The following ACAD11 variants were observed in gnomAD, a reference collection of about 807,000 sequenced individuals.
ACAD11 encodes the protein acyl-Coenzyme A dehydrogenase family, member 11.
ACAD11 carries 83 observed loss-of-function variants against 102.2 expected under a neutral mutation model. The ratio of observed to expected loss-of-function variants is 0.81; its 90% confidence interval spans 0.68 to 0.97. The LOEUF is 0.97. Among genes scored for constraint, ACAD11 ranks in the 50% least tolerant of loss-of-function variants. The probability of loss-of-function intolerance (pLI) is 0.00; values close to 1 mark genes in which losing one functional copy is unlikely to be tolerated. For synonymous variants in ACAD11, 324 were observed against 319.8 expected (o/e 1.01, Z -0.14); for missense variants, 901 against 951.7 (o/e 0.95, Z 0.70).
rs377164676 is a variant in ACAD11 at position 132,618,661 on chromosome 3, G to A, written c.1387C>T (p.Pro463Ser). Reference sequence around the variant, plus strand: ...GGTGCTTGGCAGTTAAAGACATCTGGAGCAAAAAAGCATTTTCCTGTTTCT... The same window carrying A: ...GGTGCTTGGCAGTTAAAGACATCTGAAGCAAAAAAGCATTTTCCTGTTTCT... ...AEETGKCFFAPDVFNCQAPDT... is the reference protein window; with the variant it reads ...AEETGKCFFASDVFNCQAPDT... Residue 463 changes from proline to serine, a missense_variant, in exon 11 of 20, where the codon CCA (proline) becomes TCA (serine). Transcript: ENST00000264990. The A allele has an allele frequency of 1.9e-6, 3 of 1,605,014 alleles. No homozygotes were observed. In the Admixed American group the frequency reaches 5.2e-5, roughly 28 times the overall value.
At chr3:132,605,059 G>C in intron 12 of ACAD11, 39 bp downstream of exon 12, 1 of 1,478,710 alleles carries the variant, frequency 6.8e-7, no homozygotes, top group South Asian at 1.2e-5. Flanking sequence ...ACTCCGGGAC[G>C]ACTGACTACA....
At chr3:132,609,395 CT>C (rs1939009971) in intron 11 of ACAD11, among the ~76,000 whole-genome samples, 2 of 151,718 alleles carry the variant, frequency 1.3e-5, no homozygotes, top group Admixed American at 1.3e-4. Flanking sequence ...ACTAGCCAGA[CT>C]AATAAAGAAA....
chr3:132,610,173 T>G (rs991058596), intron 11 of ACAD11, among the ~76,000 whole-genome samples: 1 of 152,146 alleles, frequency 6.6e-6, no homozygotes, highest in Non-Finnish European at 1.5e-5. Flanking sequence ...AATATCATAC[T>G]GAATGGACCA....
At chr3:132,646,187 A>G (rs1228616395) in intron 1 of ACAD11, among the ~76,000 whole-genome samples, 2 of 152,194 alleles carry the variant, frequency 1.3e-5, no homozygotes. Context: ...CGTGGTCTCG[A>G]TCTCTTGACC....
intron 13 of ACAD11, among the ~76,000 whole-genome samples, chr3:132,586,836 T>A: frequency 6.6e-6 from 1 of 152,240 alleles, no homozygotes; most frequent in East Asian, 1.9e-4. Context: ...CTCACGCCTG[T>A]AATCCCAACA....
At chr3:132,577,981 A>G (rs1246675176) in intron 15 of ACAD11, among the ~76,000 whole-genome samples, 2 of 152,192 alleles carry the variant, frequency 1.3e-5, no homozygotes, top group East Asian at 3.9e-4. Context: ...CTACAGCTGC[A>G]TCTTAACTGA....
chr3:132,634,481 T>G (rs1352274751), intron 5 of ACAD11, among the ~76,000 whole-genome samples: 2 of 151,904 alleles, frequency 1.3e-5, no homozygotes, highest in Admixed American at 6.6e-5. Context: ...GTTCAACCAT[T>G]GTGGAAGTCA....
chr3:132,576,299 G>A (rs2107791983), intron 16 of ACAD11, among the ~76,000 whole-genome samples: 1 of 152,316 alleles, frequency 6.6e-6, no homozygotes, highest in South Asian at 2.1e-4. Flanking sequence ...AAAGGAAGAA[G>A]AGATTTTCTG....
In ACAD11 at chr3:132,595,151, C is replaced by T. The variant is rs1938245757; in HGVS notation, c.1621+8078G>A. 2.6e-5 allele frequency among the ~76,000 whole-genome samples: 4 copies of T among 152,244 alleles called. No individual in the cohort carries two copies. In the South Asian group the frequency reaches 8.3e-4, roughly 32 times the overall value. On this transcript the variant is annotated intron_variant, in intron 13 of 19. Transcript: ENST00000264990. ...TAAGTAGAGTAGTGAAGAATTGCCT[C>T]AGTGAGCTGGTGGTGATTGGGCAAA...
intron 19 of ACAD11, among the ~76,000 whole-genome samples, chr3:132,559,554 T>C (rs886441319): frequency 2.0e-5 from 3 of 152,090 alleles, no homozygotes; most frequent in Non-Finnish European, 4.4e-5. Flanking sequence ...GTCACTGACA[T>C]GTCCTGCTAC....
chr3:132,633,544 T>C (rs1030691484), intron 5 of ACAD11, among the ~76,000 whole-genome samples: 2 of 152,158 alleles, frequency 1.3e-5, no homozygotes, highest in Admixed American at 6.6e-5. Context: ...TCTTTTTTTG[T>C]TGTGTCTCTG....
intron 11 of ACAD11, among the ~76,000 whole-genome samples, chr3:132,618,044 C>G (rs1420209505): frequency 2.0e-5 from 3 of 152,122 alleles, no homozygotes; most frequent in South Asian, 2.1e-4. Flanking sequence ...CAGAGCTCCT[C>G]TATTCTGCTG....
intron 17 of ACAD11, among the ~76,000 whole-genome samples, chr3:132,563,752 C>T (rs1219353837): frequency 1.3e-5 from 2 of 152,128 alleles, no homozygotes; most frequent in South Asian, 2.1e-4. Context: ...TTCTTTTTTC[C>T]CCCAACTACA....
At position 132,644,842 on chromosome 3, in the gene ACAD11, C is replaced by A. The variant is rs1254910338; in HGVS notation, c.204G>T (p.Val68=). ...FYLQKGFQTY[V]LRKKPPGSLL... ...GTGAACCTGGTGGTTTTTTCCTGAG[C>A]ACATATGTTTGAAAGCCCTTCTGGA... Residue 68 remains valine, a synonymous_variant, in exon 2 of 20, where the codon GTG becomes GTT. Transcript: ENST00000264990. 1.2e-6 allele frequency: 2 copies of A among 1,611,358 alleles called. No individual in the cohort carries two copies. Among genetic ancestry groups the A allele is most frequent in the Admixed American group, 3.3e-5 (2 of 59,810 alleles).
chr3:132,578,157 G>A (rs1175334902), intron 15 of ACAD11, among the ~76,000 whole-genome samples: 2 of 152,208 alleles, frequency 1.3e-5, no homozygotes, highest in Middle Eastern at 3.4e-3. Context: ...TCAGGAGTTC[G>A]AGACCAGCCT....
intron 11 of ACAD11, 158 bp downstream of exon 11, chr3:132,618,476 C>G: frequency 1.5e-6 from 1 of 669,442 alleles, no homozygotes; most frequent in Admixed American, 4.0e-5. Flanking sequence ...AATTTCAAAT[C>G]CATTTCTTAT....
At chr3:132,656,326 T>C (rs550616006) in intron 1 of ACAD11, among the ~76,000 whole-genome samples, 30 of 152,318 alleles carry the variant, frequency 2.0e-4, no homozygotes, top group African/African-American at 6.7e-4. Flanking sequence ...ACAAGAAAAG[T>C]CTCAGGAGTA....
At chr3:132,633,671 A>G (rs1278646659) in intron 5 of ACAD11, among the ~76,000 whole-genome samples, 2 of 152,222 alleles carry the variant, frequency 1.3e-5, no homozygotes, top group East Asian at 3.8e-4. Context: ...ACAAGGCTAC[A>G]GTAACCAAAA....
intron 4 of ACAD11, 22 bp from the exon 5 acceptor site, chr3:132,639,678 A>G: frequency 6.3e-7 from 1 of 1,593,514 alleles, no homozygotes; most frequent in Non-Finnish European, 8.5e-7. Context: ...TAAATAAGAA[A>G]AATGGTAAAG....
Sources: allele counts gnomAD v4.1 joint callset (sites outside exome capture counted in the v4.1 genomes callset), GRCh38; gene constraint gnomAD v4.1.1; transcripts MANE v1.5; gene names NCBI Gene and HGNC (gene_info 2026-07-23, HGNC 2026-07-21).